BPNT2: variants seen among roughly 807,000 people sequenced by gnomAD.
The protein encoded by BPNT2 is Golgi-resident adenosine 3',5'-bisphosphate 3'-phosphatase.
In BPNT2, 11 loss-of-function variants were observed where a neutral mutation model predicts 29.3. The observed-to-expected ratio is 0.38, with a 90% CI of 0.24 to 0.62. BPNT2 has a LOEUF of 0.62. BPNT2 is among the 20% of genes least tolerant of loss of function. The pLI is 0.62. For missense variants in BPNT2, 459 were observed against 473.4 expected (o/e 0.97, Z 0.28); for synonymous variants, 195 against 187.7 (o/e 1.04, Z -0.32).
Position 56,977,522 on chromosome 8 carries a change from TG to T in BPNT2, c.646+527del, listed in dbSNP as rs1179824628. On this transcript the variant is annotated intron_variant, in intron 3 of 4. Coordinates refer to ENST00000262644, the MANE Select transcript of BPNT2 (RefSeq NM_017813.5). ...CATCTCAATGCTTACCTTAACTTTCTGGGTTGTTATGGTTAAACTGTGTCCC... is the reference window on the plus strand; with the variant it reads ...CATCTCAATGCTTACCTTAACTTTCTGGTTGTTATGGTTAAACTGTGTCCC... 3.9e-5 allele frequency among the ~76,000 whole-genome samples: 6 copies of T among 152,328 alleles called. No homozygotes were observed. In the East Asian group the frequency reaches 1.2e-3, roughly 29 times the overall value.
At chr8:56,966,899 C>T (rs1391101971) in intron 3 of BPNT2, among the ~76,000 whole-genome samples, 2 of 152,164 alleles carry the variant, frequency 1.3e-5, no homozygotes, top group African/African-American at 2.4e-5. Context: ...GCTCAATCTC[C>T]TAAGTGACTT....
Position 56,993,376 on chromosome 8 carries a change from T to C in BPNT2, c.210A>G (p.Ser70=). 6.2e-7 allele frequency: 1 copy of C among 1,609,334 alleles called. No individual in the cohort carries two copies. The highest frequency in any genetic ancestry group is 8.5e-7 in the Non-Finnish European group (1 of 1,179,734). Residue 70 remains serine (S), a synonymous_variant, in exon 1 of 5, where the codon TCA becomes TCG. Transcript: ENST00000262644. ...TVDLREMLAV[S]VLAAVRGGDE... ...CGCCGCCGCGGACTGCGGCCAGCAC[T>C]GACACAGCCAGCATCTCGCGCAAGT...
At chr8:56,966,147 T>C (rs371241674) in intron 4 of BPNT2, 44 bp downstream of exon 4, 99 of 1,604,608 alleles carry the variant, frequency 6.2e-5, no homozygotes, top group Non-Finnish European at 8.2e-5. Context: ...GCCTTGACCA[T>C]GCCAGGAACA....
intron 3 of BPNT2, among the ~76,000 whole-genome samples, chr8:56,976,047 A>AT (rs1237248111): frequency 6.6e-6 from 1 of 152,112 alleles, no homozygotes; most frequent in African/African-American, 2.4e-5. Context: ...TAAGGACTAC[A>AT]TTTTTTTGCC....
At position 56,960,122 on chromosome 8, in the gene BPNT2, T is replaced by C. The variant is rs1008895066; in HGVS notation, c.*3671A>G. 1.3e-5 allele frequency: 2 copies of C among 152,216 alleles called. No homozygotes were observed. The highest frequency in any genetic ancestry group is 2.9e-5 in the Non-Finnish European group (2 of 68,046). 9.4% of individuals were successfully genotyped at this position (152,216 alleles called of 1,614,324 possible). A position where few individuals can be genotyped will look rare whatever the true frequency, so the allele number is the denominator to read the frequency against. The stretch of plus-strand genomic sequence containing the variant: ...TTCCAACAGTTCCTGTTTTAACCTG[T>C]CAGATTGTCTCCAAAAGGCCATCTT... On this transcript the variant is annotated 3_prime_UTR_variant, in exon 5 of 5. Transcript: ENST00000262644.
Position 56,982,128 on chromosome 8 carries a change from T to C in BPNT2, c.388-1931A>G, listed in dbSNP as rs375046410. 9.5e-5 allele frequency among the ~76,000 whole-genome samples: 14 copies of C among 147,466 alleles called. No individual in the cohort carries two copies. In the East Asian group the frequency reaches 2.0e-3, roughly 21 times the overall value. On this transcript the variant is annotated intron_variant, in intron 1 of 4. Transcript: ENST00000262644. ...ACCGCTTAAATCATTAAATATCTCT[T>C]TTTTTTTTTTTTTTGAGACGGAGTC...
At chr8:56,969,888 G>C (rs1414443313) in intron 3 of BPNT2, among the ~76,000 whole-genome samples, 1 of 152,120 alleles carries the variant, frequency 6.6e-6, no homozygotes. Flanking sequence ...CGCTGGAAGG[G>C]TTCTATACTC....
chr8:56,975,067 A>G (rs1228064966), intron 3 of BPNT2, among the ~76,000 whole-genome samples: 1 of 152,160 alleles, frequency 6.6e-6, no homozygotes. Context: ...GGTTTAATGG[A>G]TAGGACTTCA....
rs1045830825 is a variant in BPNT2, at chr8:56,958,333, A to C, written c.*5460T>G. ...GAACTGTATAATCTAGTAAGAGCAC[A>C]TACAGAGATGGTGCTTGCAGGTAAA... On this transcript the variant is annotated 3_prime_UTR_variant, in exon 5 of 5. Coordinates refer to ENST00000262644, the MANE Select transcript of BPNT2 (RefSeq NM_017813.5). 3 of 152,214 alleles carry C rather than the reference A, an allele frequency of 2.0e-5. No individual in the cohort carries two copies. Among genetic ancestry groups the C allele is most frequent in the Admixed American group, 2.0e-4 (3 of 15,284 alleles). 9.4% of individuals were successfully genotyped at this position (152,214 alleles called of 1,614,324 possible). A position where few individuals can be genotyped will look rare whatever the true frequency, so the allele number is the denominator to read the frequency against.
intron 1 of BPNT2, among the ~76,000 whole-genome samples, chr8:56,983,008 T>C (rs1359791148): frequency 6.6e-6 from 1 of 152,180 alleles, no homozygotes; most frequent in African/African-American, 2.4e-5. Context: ...TTTGATTCCA[T>C]TAATGTAAAA....
At chr8:56,979,876 A>T (rs914767234) in intron 2 of BPNT2, among the ~76,000 whole-genome samples, 159 bp downstream of exon 2, 3 of 152,230 alleles carry the variant, frequency 2.0e-5, no homozygotes, top group African/African-American at 7.2e-5. Flanking sequence ...AGTTTCTTCA[A>T]TTATAGGTGT....
intron 1 of BPNT2, 92 bp from the exon 2 acceptor site, chr8:56,980,289 A>C: frequency 1.0e-6 from 1 of 978,502 alleles, no homozygotes; most frequent in Non-Finnish European, 1.6e-6. Context: ...AATCACCCAA[A>C]TTATAAATAA....
chr8:56,966,382 G>T lies in BPNT2; in HGVS notation c.647-30C>A, dbSNP rs367974736. The T allele has an allele frequency of 2.5e-6, 4 of 1,596,696 alleles. No homozygotes were observed. The South Asian group carries it at 4.4e-5, about 18-fold the overall frequency. ...AAAGCAAATATAATATCCATTAATG[G>T]CACTGAAGCTTTAAAACTAAAGGTT... On this transcript the variant is annotated intron_variant, in intron 3 of 4. Coordinates refer to ENST00000262644, the MANE Select transcript of BPNT2 (RefSeq NM_017813.5).
chr8:56,987,049 G>C (rs1806337551), intron 1 of BPNT2, among the ~76,000 whole-genome samples: 2 of 152,124 alleles, frequency 1.3e-5, no homozygotes, highest in Admixed American at 1.3e-4. Context: ...ATTCCAGAAA[G>C]GGGAAGGAAA....
intron 3 of BPNT2, among the ~76,000 whole-genome samples, chr8:56,973,478 G>GA (rs1231615946): frequency 6.6e-6 from 1 of 152,154 alleles, no homozygotes; most frequent in Non-Finnish European, 1.5e-5. Flanking sequence ...GTTCCTGCTG[G>GA]AAAAAACTGT....
rs1451649611 is a variant in BPNT2, at chr8:56,958,148, C to T, written c.*5645G>A. 6.6e-6 allele frequency: 1 copy of T among 152,134 alleles called. No homozygotes were observed. The highest frequency in any genetic ancestry group is 1.5e-5 in the Non-Finnish European group (1 of 68,026). 9.4% of individuals were successfully genotyped at this position (152,134 alleles called of 1,614,324 possible). A position where few individuals can be genotyped will look rare whatever the true frequency, so the allele number is the denominator to read the frequency against. On this transcript the variant is annotated 3_prime_UTR_variant, in exon 5 of 5. Transcript: ENST00000262644. ...ATATTTGCAAAGGTAACAAAACAAA[C>T]AACCAGCTTATACAACCAAGGCACA...
chr8:56,988,466 A>ACCTTTTC (rs1806361085), intron 1 of BPNT2, among the ~76,000 whole-genome samples: 4 of 152,232 alleles, frequency 2.6e-5, no homozygotes, highest in Non-Finnish European at 5.9e-5. Flanking sequence ...AAGAAGACTG[A>ACCTTTTC]AAGAGAAAAG....
intron 1 of BPNT2, among the ~76,000 whole-genome samples, chr8:56,984,117 A>C (rs946613293): frequency 8.5e-5 from 13 of 152,194 alleles, no homozygotes; most frequent in Non-Finnish European, 1.6e-4. Flanking sequence ...CGGCAGTGCC[A>C]AGTCTGGCAA....
intron 1 of BPNT2, 63 bp from the exon 2 acceptor site, chr8:56,980,260 C>A: frequency 7.5e-7 from 1 of 1,335,268 alleles, no homozygotes; most frequent in Admixed American, 1.7e-5. Context: ...TGATAAACTA[C>A]AAAAGTATTT....
Sources: allele counts gnomAD v4.1 joint callset (sites outside exome capture counted in the v4.1 genomes callset), GRCh38; gene constraint gnomAD v4.1.1; transcripts MANE v1.5; gene names NCBI Gene and HGNC (gene_info 2026-07-23, HGNC 2026-07-21).